The following ERC1 variants were observed in gnomAD, a reference collection of about 807,000 sequenced individuals.
ERC1 encodes ELKS/RAB6-interacting/CAST family member 1, also known as RAB6 interacting protein 2.
Under a neutral mutation model 132.0 loss-of-function variants are expected in ERC1, and 56 were observed. That is an observed-to-expected ratio of 0.42 (90% confidence interval 0.34 to 0.53). The LOEUF is 0.53. ERC1 is among the 20% of genes least tolerant of loss of function. The pLI, the probability that ERC1 is intolerant of heterozygous loss-of-function variation, is 0.03. For missense variants in ERC1, 1,202 were observed against 1,349.9 expected (o/e 0.89, Z 1.72); for synonymous variants, 478 against 476.1 (o/e 1.00, Z -0.05).
chr12:1,120,702 G>A (rs1946984006), intron 7 of ERC1, among the ~76,000 whole-genome samples: 1 of 152,200 alleles, frequency 6.6e-6, no homozygotes, highest in Non-Finnish European at 1.5e-5. Flanking sequence ...CTTCAAAGTA[G>A]TACAGGTTTT....
chr12:1,006,410 GTTTTTGAGA>G (rs1196370242), intron 1 of ERC1, among the ~76,000 whole-genome samples: 15 of 151,128 alleles, frequency 9.9e-5, no homozygotes, highest in Non-Finnish European at 1.8e-4. Context: ...ATTTTTTTTT[GTTTTTGAGA>G]CAGAGTGTTA....
intron 14 of ERC1, among the ~76,000 whole-genome samples, chr12:1,275,461 A>G (rs2078200001): frequency 6.6e-6 from 1 of 152,194 alleles, no homozygotes. Context: ...TCAAAAATAG[A>G]GTATTCCAGC....
intron 6 of ERC1, among the ~76,000 whole-genome samples, chr12:1,115,334 TAAG>T (rs2154210343): frequency 6.6e-6 from 1 of 152,346 alleles, no homozygotes; most frequent in South Asian, 2.1e-4. Flanking sequence ...CTTTTTAAGA[TAAG>T]AATTTTATGC....
intron 16 of ERC1, among the ~76,000 whole-genome samples, chr12:1,395,407 G>GTTTT (rs57837323): frequency 7.3e-4 from 104 of 141,840 alleles, no homozygotes; most frequent in South Asian, 2.3e-3. Context: ...AAATTTTGTA[G>GTTTT]TTTTTTTTTT....
chr12:1,438,658 C>T (rs61913155), intron 17 of ERC1, among the ~76,000 whole-genome samples: 19 of 152,196 alleles, frequency 1.2e-4, no homozygotes, highest in Middle Eastern at 3.4e-3. Context: ...TGGCATCTTT[C>T]GGGCTGGGTG....
intron 8 of ERC1, among the ~76,000 whole-genome samples, chr12:1,169,053 G>A (rs1952766439): frequency 6.6e-6 from 1 of 152,146 alleles, no homozygotes; most frequent in African/African-American, 2.4e-5. Flanking sequence ...GAACAACCAA[G>A]TTGGTGATAT....
At chr12:1,278,958 T>TA (rs199560288) in intron 14 of ERC1, among the ~76,000 whole-genome samples, 28 of 150,654 alleles carry the variant, frequency 1.9e-4, no homozygotes, top group South Asian at 8.4e-4. Flanking sequence ...AATATAACAG[T>TA]AAAAAAAAAG....
chr12:1,334,147 C>T (rs1227881370), intron 15 of ERC1, among the ~76,000 whole-genome samples: 1 of 152,088 alleles, frequency 6.6e-6, no homozygotes, highest in Non-Finnish European at 1.5e-5. Context: ...AGACCTTTGT[C>T]ACATGCATAC....
rs190402860 is a variant in ERC1, at chr12:1,209,191, A to C, written c.2351+19139A>C. Among the ~76,000 whole-genome samples the C allele has an allele frequency of 4.8e-3, 720 of 149,278 alleles. 8 individuals are homozygous for C. The highest frequency in any genetic ancestry group is 0.017 in the African/African-American group (692 of 40,554). On this transcript the variant is annotated intron_variant, in intron 12 of 18. Transcript: ENST00000360905. ...GCCACGTTGCTCAGGCTGGTCTTGA[A>C]CTCCTGACCTCAGATGATCCACCCG...
At chr12:995,415 T>G (rs1355088046) in intron 1 of ERC1, among the ~76,000 whole-genome samples, 1 of 152,092 alleles carries the variant, frequency 6.6e-6, no homozygotes, top group East Asian at 1.9e-4. Flanking sequence ...TTGGTGGTTG[T>G]TTGCGGGATG....
intron 15 of ERC1, among the ~76,000 whole-genome samples, chr12:1,342,477 A>AAC (rs1555367684): frequency 2.6e-5 from 4 of 151,690 alleles, no homozygotes. Flanking sequence ...TCAAAAAAAA[A>AAC]AAAAACAAAA....
intron 15 of ERC1, among the ~76,000 whole-genome samples, chr12:1,354,458 G>A (rs764663444): frequency 6.6e-6 from 1 of 151,918 alleles, no homozygotes; most frequent in African/African-American, 2.4e-5. Flanking sequence ...GGGAGGCAGG[G>A]GTTTCAGTGA....
chr12:1,387,708 G>A (rs916045684), intron 16 of ERC1, among the ~76,000 whole-genome samples: 83 of 152,194 alleles, frequency 5.5e-4, no homozygotes, highest in African/African-American at 2.0e-3. Flanking sequence ...TGCTCCCTTA[G>A]CATCTCCACA....
At chr12:1,289,194 A>T (rs929721754) in intron 14 of ERC1, among the ~76,000 whole-genome samples, 2 of 145,642 alleles carry the variant, frequency 1.4e-5, no homozygotes, top group Non-Finnish European at 1.5e-5. Flanking sequence ...GTATATATAT[A>T]ATATATATAT....
At chr12:1,366,949 C>T (rs56126511) in intron 15 of ERC1, among the ~76,000 whole-genome samples, 44,297 of 151,948 alleles carry the variant, frequency 0.29, 6,689 homozygotes, top group Middle Eastern at 0.35. Context: ...CCAAAGTTTG[C>T]GAGGGCAGGT....
intron 16 of ERC1, among the ~76,000 whole-genome samples, chr12:1,405,083 C>T (rs913585405): frequency 1.3e-5 from 2 of 151,228 alleles, no homozygotes; most frequent in African/African-American, 2.4e-5. Flanking sequence ...AAAGTTGCAG[C>T]GAGCTGAGAT....
intron 15 of ERC1, among the ~76,000 whole-genome samples, chr12:1,342,871 T>C (rs763326104): frequency 2.0e-4 from 30 of 152,216 alleles, no homozygotes; most frequent in Admixed American, 8.5e-4. Context: ...GGAAGTGATG[T>C]GATCCAATCC....
upstream of ERC1, chr12:990,417 C>T (rs1233615053): frequency 6.6e-6 from 1 of 152,078 alleles, no homozygotes; most frequent in Non-Finnish European, 1.5e-5. Flanking sequence ...ACGAGAAAAT[C>T]GGGTTGCACC....
chr12:1,197,106 G>A (rs1406222903), intron 12 of ERC1, among the ~76,000 whole-genome samples: 3 of 150,370 alleles, frequency 2.0e-5, no homozygotes, highest in Non-Finnish European at 4.4e-5. Flanking sequence ...TCAGCCTTCC[G>A]AGTAGCTGGG....
Sources: gnomAD v4.1 joint callset for allele counts (sites outside exome capture counted in the v4.1 genomes callset) on GRCh38, gnomAD v4.1.1 for gene constraint, MANE v1.5 for transcripts, NCBI Gene and HGNC (gene_info 2026-07-23, HGNC 2026-07-21) for gene names.